The following SPINK8 variants were observed in gnomAD, a reference collection of about 807,000 sequenced individuals.
SPINK8 encodes serine peptidase inhibitor Kazal type 8 (putative), also known as serine protease inhibitor Kazal-type 8.
A neutral mutation model predicts 14.4 loss-of-function variants in SPINK8; 12 were observed. The observed-to-expected ratio is 0.83, with a 90% CI of 0.53 to 1.35. SPINK8 has a LOEUF of 1.35. SPINK8 is among the 40% of genes most tolerant of loss of function. The pLI is 0.00. For missense variants in SPINK8, 103 were observed against 117.0 expected (o/e 0.88, Z 0.55); for synonymous variants, 32 against 37.6 (o/e 0.85, Z 0.55).
rs1575338681 is a variant in SPINK8, at chr3:48,307,021, G to A, written c.283-18C>T. 1 of 1,612,048 alleles carries A rather than the reference G, an allele frequency of 6.2e-7. No homozygotes were observed. Among genetic ancestry groups the A allele is most frequent in the East Asian group, 2.2e-5 (1 of 44,852 alleles). ...GAGTTTTCCTGCAAGAGAAGTATCT[G>A]CTTAGAGAAATCAAATTTGAGGAAG... On this transcript the variant is annotated intron_variant, in intron 7 of 7. Transcript: ENST00000434006.
At chr3:48,325,919 T>TC (rs944095925) in intron 4 of SPINK8, among the ~76,000 whole-genome samples, 2 of 151,120 alleles carry the variant, frequency 1.3e-5, no homozygotes, top group African/African-American at 4.9e-5. Context: ...TCTTTTCTTT[T>TC]TTTTTTTTTT....
chr3:48,321,258 A>G (rs946176912), intron 4 of SPINK8, among the ~76,000 whole-genome samples, 184 bp from the exon 5 acceptor site: 9 of 152,132 alleles, frequency 5.9e-5, no homozygotes, highest in Non-Finnish European at 1.3e-4. Flanking sequence ...ACGTGCCTTT[A>G]CCTTCTTGTA....
At chr3:48,307,080 C>T in intron 7 of SPINK8, 77 bp from the exon 8 acceptor site, 1 of 1,369,312 alleles carries the variant, frequency 7.3e-7, no homozygotes, top group East Asian at 2.3e-5. Flanking sequence ...GTAAACACAA[C>T]CATAGTTCAG....
intron 7 of SPINK8, 135 bp downstream of exon 7, chr3:48,309,769 G>A: frequency 1.6e-6 from 2 of 1,240,228 alleles, no homozygotes; most frequent in Non-Finnish European, 2.1e-6. Context: ...TAGGCTTATG[G>A]GATCTATTAT....
At chr3:48,325,388 G>A (rs2036124892) in intron 4 of SPINK8, among the ~76,000 whole-genome samples, 1 of 150,146 alleles carries the variant, frequency 6.7e-6, no homozygotes, top group Non-Finnish European at 1.5e-5. Flanking sequence ...GGTTTGTGTT[G>A]CACTAAGTAA....
intron 1 of SPINK8, among the ~76,000 whole-genome samples, 32 bp downstream of exon 1, chr3:48,333,503 G>A (rs539957873): frequency 2.6e-5 from 4 of 152,208 alleles, no homozygotes; most frequent in East Asian, 3.9e-4. Context: ...AACCACCCAC[G>A]GACCTCTGCT....
intron 7 of SPINK8, 91 bp from the exon 8 acceptor site, chr3:48,307,094 G>T: frequency 1.6e-6 from 2 of 1,217,004 alleles, no homozygotes; most frequent in Non-Finnish European, 2.4e-6. Context: ...AGTTCAGCAG[G>T]GGAAATGCTA....
chr3:48,323,159 T>G (rs1366192721), intron 4 of SPINK8, among the ~76,000 whole-genome samples: 1 of 152,180 alleles, frequency 6.6e-6, no homozygotes. Context: ...TTGTTTTGTT[T>G]TTTGAGACAG....
In SPINK8 at chr3:48,327,910, C is replaced by T. The variant is rs577630445; in HGVS notation, c.67+365G>A. On this transcript the variant is annotated intron_variant, in intron 4 of 7. Transcript: ENST00000434006. ...TATAAGCATGACTTTTGCTAAAACC[C>T]GCCATTAACCAGAATAATATCTGAG... Among the ~76,000 whole-genome samples the T allele has an allele frequency of 5.3e-5, 8 of 152,230 alleles. No individual in the cohort carries two copies. In the South Asian group the frequency reaches 1.5e-3, roughly 28 times the overall value.
intron 6 of SPINK8, among the ~76,000 whole-genome samples, chr3:48,316,852 C>T (rs931863295): frequency 6.6e-6 from 1 of 152,056 alleles, no homozygotes; most frequent in Non-Finnish European, 1.5e-5. Context: ...CCAAACTATT[C>T]TTCAGAAAGA....
Position 48,328,171 on chromosome 3 carries a change from A to G in SPINK8, c.67+104T>C, listed in dbSNP as rs879167371. The G allele has an allele frequency of 6.1e-6, 5 of 818,864 alleles. No individual in the cohort carries two copies. In the South Asian group the frequency reaches 9.3e-5, roughly 15 times the overall value. The allele number at this position is 818,864 out of a possible 1,614,324, so 50.7% of individuals were successfully genotyped here. The stretch of plus-strand genomic sequence containing the variant: ...TTCTACATTTGTAACATGAGAAATT[A>G]GGATTAAATAAAACTGAACAGCACT... On this transcript the variant is annotated intron_variant, in intron 4 of 7. Coordinates refer to ENST00000434006, the MANE Select transcript of SPINK8 (RefSeq NM_001080525.3).
intron 4 of SPINK8, among the ~76,000 whole-genome samples, chr3:48,323,988 A>G (rs2036108706): frequency 7.1e-6 from 1 of 140,634 alleles, no homozygotes; most frequent in African/African-American, 2.6e-5. Context: ...GCTTTTCCAT[A>G]TGAATTTTAG....
At chr3:48,333,284 T>A (rs2036289297) in intron 1 of SPINK8, among the ~76,000 whole-genome samples, 1 of 152,208 alleles carries the variant, frequency 6.6e-6, no homozygotes, top group African/African-American at 2.4e-5. Flanking sequence ...CCAGGGGTAC[T>A]GCAGAAGAAT....
At chr3:48,325,383 G>C (rs1334352973) in intron 4 of SPINK8, among the ~76,000 whole-genome samples, 1 of 149,892 alleles carries the variant, frequency 6.7e-6, no homozygotes, top group African/African-American at 2.4e-5. Context: ...TCACTGGTTT[G>C]TGTTGCACTA....
chr3:48,325,713 C>A (rs2036130716), intron 4 of SPINK8, among the ~76,000 whole-genome samples: 1 of 151,804 alleles, frequency 6.6e-6, no homozygotes, highest in African/African-American at 2.4e-5. Context: ...CTGCTTCAGC[C>A]TCCTGAGATG....
At chr3:48,311,252 TA>T (rs2035921814) in intron 6 of SPINK8, among the ~76,000 whole-genome samples, 1 of 152,086 alleles carries the variant, frequency 6.6e-6, no homozygotes, top group African/African-American at 2.4e-5. Context: ...TTCAACACGA[TA>T]AAGAACACTT....
intron 6 of SPINK8, among the ~76,000 whole-genome samples, chr3:48,317,394 A>G (rs1402007266): frequency 3.3e-5 from 5 of 152,178 alleles, no homozygotes; most frequent in Non-Finnish European, 7.4e-5. Context: ...AAGCTGAGGC[A>G]GGAGAATCAC....
Position 48,313,826 on chromosome 3 carries a change from A to C in SPINK8, c.240-3880T>G, listed in dbSNP as rs375432644. On this transcript the variant is annotated intron_variant, in intron 6 of 7. Transcript: ENST00000434006. ...TGCCACACTGTGGATGAACCTCAAA[A>C]TGATTATGTAAGTGAAAGAAGCCAG... is the stretch of plus-strand genomic sequence containing the variant. Among the ~76,000 whole-genome samples the C allele has an allele frequency of 1.1e-3, 168 of 152,352 alleles. 1 individual carries two copies. Among genetic ancestry groups the C allele is most frequent in the African/African-American group, 3.9e-3 (163 of 41,588 alleles).
At chr3:48,327,822 G>C (rs1490041613) in intron 4 of SPINK8, among the ~76,000 whole-genome samples, 1 of 152,172 alleles carries the variant, frequency 6.6e-6, no homozygotes, top group Non-Finnish European at 1.5e-5. Context: ...AAGTAGGAAA[G>C]AGTTGCAGAA....
Sources: gnomAD v4.1 joint callset for allele counts (sites outside exome capture counted in the v4.1 genomes callset) on GRCh38, gnomAD v4.1.1 for gene constraint, MANE v1.5 for transcripts, NCBI Gene and HGNC (gene_info 2026-07-23, HGNC 2026-07-21) for gene names.